Variants in LYN observed in about 807,000 individuals in gnomAD.
LYN encodes tyrosine-protein kinase Lyn.
A neutral mutation model predicts 65.0 loss-of-function variants in LYN; 12 were observed. The observed-to-expected ratio is 0.18, with a 90% CI of 0.12 to 0.30. LYN has a LOEUF of 0.30. Among genes scored for constraint, LYN ranks in the 10% least tolerant of loss-of-function variants. The pLI, the probability that LYN is intolerant of heterozygous loss-of-function variation, is 1.00. For missense variants in LYN, 380 were observed against 623.2 expected (o/e 0.61, Z 4.16); for synonymous variants, 222 against 221.2 (o/e 1.00, Z -0.03).
intron 1 of LYN, among the ~76,000 whole-genome samples, chr8:55,937,547 C>T (rs1196442174): frequency 6.6e-6 from 1 of 152,170 alleles, no homozygotes; most frequent in Non-Finnish European, 1.5e-5. Flanking sequence ...CCTTATGCCC[C>T]TGTGCAGTGT....
chr8:55,991,523 A>G (rs535302719), intron 10 of LYN, among the ~76,000 whole-genome samples: 1 of 152,326 alleles, frequency 6.6e-6, no homozygotes, highest in South Asian at 2.1e-4. Flanking sequence ...TAACTCAGGA[A>G]GCATTATTAT....
rs34839284 is a variant in LYN, at chr8:55,886,241, C to CTT, written c.-6+6154_-6+6155dup. On this transcript the variant is annotated intron_variant, in intron 1 of 12. Transcript: ENST00000519728. ...GGATAGAACAGTGGCTGTCAAACATCTTTTTTTTTTTTTTTTTGAGATGGA... is the reference window on the plus strand; with the variant it reads ...GGATAGAACAGTGGCTGTCAAACATCTTTTTTTTTTTTTTTTTTTGAGATGGA... Among the ~76,000 whole-genome samples, 2,492 of 133,390 alleles carry CTT rather than the reference C, an allele frequency of 0.019. 217 individuals carry two copies. In the East Asian group the frequency reaches 0.19, roughly 10 times the overall value. The allele number at this position is 133,390 out of a possible 152,430, so 87.5% of individuals were successfully genotyped here.
Position 55,971,646 on chromosome 8 carries a change from G to A in LYN, c.1050+1853G>A, listed in dbSNP as rs151261464. ...CACACATTGGGTATGTACTGTACCC[G>A]GAGAATGACTTTATTTTGTCACATG... On this transcript the variant is annotated intron_variant, in intron 10 of 12. Coordinates refer to ENST00000519728, the MANE Select transcript of LYN (RefSeq NM_002350.4). Among the ~76,000 whole-genome samples the A allele has an allele frequency of 1.7e-3, 259 of 152,290 alleles. 2 individuals carry two copies. The highest frequency in any genetic ancestry group is 5.8e-3 in the African/African-American group (240 of 41,554).
At chr8:55,918,270 C>G (rs1019197755) in intron 1 of LYN, among the ~76,000 whole-genome samples, 1 of 152,234 alleles carries the variant, frequency 6.6e-6, no homozygotes, top group Non-Finnish European at 1.5e-5. Flanking sequence ...CACCCCATTC[C>G]TCCCTCTCCT....
chr8:55,948,486 G>A (rs1414593116), intron 4 of LYN, among the ~76,000 whole-genome samples: 1 of 152,184 alleles, frequency 6.6e-6, no homozygotes, highest in Non-Finnish European at 1.5e-5. Flanking sequence ...TTGTGAGGAC[G>A]CCTGAGTGTC....
At chr8:55,955,873 TA>T (rs1807092149) in intron 8 of LYN, among the ~76,000 whole-genome samples, 1 of 152,258 alleles carries the variant, frequency 6.6e-6, no homozygotes, top group African/African-American at 2.4e-5. Flanking sequence ...TATGGCTGAG[TA>T]ATATTCCATT....
intron 10 of LYN, among the ~76,000 whole-genome samples, chr8:55,988,880 G>GAA (rs561858676): frequency 7.0e-6 from 1 of 142,250 alleles, no homozygotes; most frequent in African/African-American, 2.6e-5. Context: ...TCATTAAAGT[G>GAA]AAAAAAAAAA....
intron 11 of LYN, 142 bp from the exon 12 acceptor site, chr8:55,999,276 C>T (rs1169644243): frequency 7.6e-6 from 5 of 658,620 alleles, no homozygotes; most frequent in Non-Finnish European, 1.3e-5. Context: ...GCCGAGATCG[C>T]ATCATTACAT....
chr8:55,913,566 G>A (rs917032614), intron 1 of LYN, among the ~76,000 whole-genome samples: 19 of 152,190 alleles, frequency 1.2e-4, no homozygotes, highest in African/African-American at 3.4e-4. Flanking sequence ...GGGTTGAGGA[G>A]AAATAATTAC....
chr8:55,957,482 A>G (rs779642445), intron 8 of LYN, among the ~76,000 whole-genome samples: 2 of 152,256 alleles, frequency 1.3e-5, no homozygotes, highest in Non-Finnish European at 2.9e-5. Flanking sequence ...AGCCCTGCAT[A>G]TAAAGTCATG....
At chr8:55,984,956 A>G (rs531003159) in intron 10 of LYN, among the ~76,000 whole-genome samples, 1 of 152,306 alleles carries the variant, frequency 6.6e-6, no homozygotes, top group Admixed American at 6.5e-5. Context: ...TTCTTGTTTA[A>G]AATCTGCAGG....
chr8:55,935,012 C>A (rs963036357), intron 1 of LYN, among the ~76,000 whole-genome samples: 1 of 152,138 alleles, frequency 6.6e-6, no homozygotes, highest in South Asian at 2.1e-4. Context: ...GGAGGTGATG[C>A]CCACACCATG....
intron 12 of LYN, among the ~76,000 whole-genome samples, chr8:56,006,417 C>CT (rs1808675500): frequency 2.0e-5 from 3 of 152,296 alleles, no homozygotes; most frequent in African/African-American, 7.2e-5. Flanking sequence ...ACAAAGGGCC[C>CT]TGTGTGACTG....
chr8:55,998,142 G>T (rs4738466), intron 10 of LYN, among the ~76,000 whole-genome samples: 3 of 151,486 alleles, frequency 2.0e-5, no homozygotes, highest in Non-Finnish European at 1.5e-5. Context: ...GATGACCATT[G>T]TTGGAGATTT....
chr8:56,010,638 C>A lies in LYN; in HGVS notation c.*528C>A, dbSNP rs1199967478. 2 of 231,464 alleles carry A rather than the reference C, an allele frequency of 8.6e-6. No individual in the cohort carries two copies. Among genetic ancestry groups the A allele is most frequent in the East Asian group, 6.2e-5 (1 of 16,030 alleles). 14.3% of individuals were successfully genotyped at this position (231,464 alleles called of 1,614,324 possible). ...GGTGAAGTCAGCAGCTTAAAAATGT[C>A]TTTCCCAGATTTCAATGATTTTTTT... On this transcript the variant is annotated 3_prime_UTR_variant, in exon 13 of 13. Coordinates refer to ENST00000519728, the MANE Select transcript of LYN (RefSeq NM_002350.4).
chr8:55,921,887 G>A (rs761570932), intron 1 of LYN, among the ~76,000 whole-genome samples: 3 of 152,132 alleles, frequency 2.0e-5, no homozygotes, highest in Non-Finnish European at 4.4e-5. Flanking sequence ...TATTTACAGA[G>A]CATTTACAAG....
chr8:55,999,555 G>A lies in LYN; in HGVS notation c.1336+6G>A. Reference sequence around the variant, plus strand: ...TGGGAAAATTCCCTACCCAGGTATGGTTTACTTAGCTATTTACAATCAAGC... The same window carrying A: ...TGGGAAAATTCCCTACCCAGGTATGATTTACTTAGCTATTTACAATCAAGC... On this transcript the variant is annotated splice_donor_region_variant and intron_variant, in intron 12 of 12. Transcript: ENST00000519728. 1 of 1,613,342 alleles carries A rather than the reference G, an allele frequency of 6.2e-7. No homozygotes were observed. The highest frequency in any genetic ancestry group is 8.5e-7 in the Non-Finnish European group (1 of 1,179,336).
At chr8:55,902,780 C>T (rs1226962659) in intron 1 of LYN, 1 of 514,018 alleles carries the variant, frequency 1.9e-6, no homozygotes, top group African/African-American at 1.9e-5. Flanking sequence ...GGAAGCATAA[C>T]CTATCTCAAT....
In LYN at chr8:55,949,114, A is replaced by G. The variant is rs539548908; in HGVS notation, c.285-1345A>G. On this transcript the variant is annotated intron_variant, in intron 4 of 12. Coordinates refer to ENST00000519728, the MANE Select transcript of LYN (RefSeq NM_002350.4). Reference sequence around the variant, plus strand: ...GCTGAGGACTCGAGCATGGTGCTGAAGCTCACTTGCTTGGAATTGTCTTAT... The same window carrying G: ...GCTGAGGACTCGAGCATGGTGCTGAGGCTCACTTGCTTGGAATTGTCTTAT... Among the ~76,000 whole-genome samples, 5 of 152,300 alleles carry G rather than the reference A, an allele frequency of 3.3e-5. No individual in the cohort carries two copies. In the East Asian group the frequency reaches 9.6e-4, roughly 29 times the overall value.
Sources: gnomAD v4.1 joint callset for allele counts (sites outside exome capture counted in the v4.1 genomes callset) on GRCh38, gnomAD v4.1.1 for gene constraint, MANE v1.5 for transcripts, NCBI Gene and HGNC (gene_info 2026-07-23, HGNC 2026-07-21) for gene names.